CATSPERT: variants seen among roughly 807,000 people sequenced by gnomAD.
CATSPERT encodes the protein cation channel sperm-associated targeting subunit tau.
At chr2:201,618,952 G>A in the CATSPERT span, 12 of 1,613,828 alleles carry the variant, frequency 7.4e-6, no homozygotes, top group Non-Finnish European at 1.0e-5. Context: ...AGGCAGGGCC[G>A]TCGTGCCCTG....
the CATSPERT span, chr2:201,550,946 G>C: frequency 6.6e-6 from 1 of 152,104 alleles, no homozygotes; most frequent in African/African-American, 2.4e-5. Flanking sequence ...TAATTATTGA[G>C]ACTTTTTACT....
At chr2:201,564,711 T>C in the CATSPERT span, among the ~76,000 whole-genome samples, 8,362 of 152,046 alleles carry the variant, frequency 0.055, 278 homozygotes, top group African/African-American at 0.08. Flanking sequence ...ATATGGTAAA[T>C]AGAAGGCCAT....
At chr2:201,603,261 G>A in the CATSPERT span, 3 of 1,611,044 alleles carry the variant, frequency 1.9e-6, no homozygotes, top group Non-Finnish European at 2.5e-6. Flanking sequence ...TTATATGAAT[G>A]CCCAGGCAGC....
chr2:201,506,910 A>T, the CATSPERT span, among the ~76,000 whole-genome samples: 1 of 152,222 alleles, frequency 6.6e-6, no homozygotes, highest in Non-Finnish European at 1.5e-5. Flanking sequence ...GAATAGGATT[A>T]AAAAAGTGCT....
the CATSPERT span, among the ~76,000 whole-genome samples, chr2:201,513,718 G>C: frequency 9.9e-5 from 15 of 152,192 alleles, 1 homozygote; most frequent in Non-Finnish European, 1.5e-5. Context: ...AGAAAATGTG[G>C]TACATACACA....
chr2:201,511,073 A>T, the CATSPERT span, among the ~76,000 whole-genome samples: 7 of 152,240 alleles, frequency 4.6e-5, no homozygotes, highest in African/African-American at 1.7e-4. Flanking sequence ...TCACTCATTA[A>T]TAATCAGGAA....
At chr2:201,492,603 T>G in the CATSPERT span, 1 of 1,526,766 alleles carries the variant, frequency 6.5e-7, no homozygotes, top group Non-Finnish European at 8.8e-7. Flanking sequence ...ATAAACTGCT[T>G]TCTGAAATGT....
the CATSPERT span, among the ~76,000 whole-genome samples, chr2:201,577,098 T>C: frequency 6.6e-6 from 1 of 152,182 alleles, no homozygotes; most frequent in African/African-American, 2.4e-5. Context: ...AATGAAGACT[T>C]TGTTTCATGC....
At chr2:201,570,038 C>T in the CATSPERT span, among the ~76,000 whole-genome samples, 3 of 151,942 alleles carry the variant, frequency 2.0e-5, no homozygotes, top group African/African-American at 7.3e-5. Context: ...AAAAATTAGC[C>T]AAACGTGGTA....
the CATSPERT span, among the ~76,000 whole-genome samples, chr2:201,616,264 T>G: frequency 1.5e-3 from 225 of 152,278 alleles, 1 homozygote; most frequent in African/African-American, 5.2e-3. Context: ...AAACAGAGAA[T>G]TTTAGACCAA....
chr2:201,581,461 C>T, the CATSPERT span, among the ~76,000 whole-genome samples: 2 of 90,744 alleles, frequency 2.2e-5, no homozygotes, highest in Non-Finnish European at 4.3e-5. Flanking sequence ...TATATGTATA[C>T]ACACACACAT....
At chr2:201,541,421 A>G in the CATSPERT span, among the ~76,000 whole-genome samples, 7 of 151,186 alleles carry the variant, frequency 4.6e-5, no homozygotes, top group South Asian at 1.5e-3. Context: ...AAATTGCCAC[A>G]GCCACCCCAA....
At chr2:201,619,153 CTG>C in the CATSPERT span, 2 of 1,611,888 alleles carry the variant, frequency 1.2e-6, no homozygotes, top group Non-Finnish European at 1.7e-6. Flanking sequence ...TGCGGCCTGT[CTG>C]CGCCCAACCG....
chr2:201,571,913 C>T, the CATSPERT span: 1 of 1,593,280 alleles, frequency 6.3e-7, no homozygotes, highest in Non-Finnish European at 8.6e-7. Context: ...CATGATCTGA[C>T]CATATTAACG....
At chr2:201,551,927 A>G in the CATSPERT span, among the ~76,000 whole-genome samples, 15 of 147,078 alleles carry the variant, frequency 1.0e-4, no homozygotes, top group Admixed American at 4.1e-4. Context: ...AAAAAAAGTG[A>G]TCTCTCGTGG....
chr2:201,493,751 T>C, the CATSPERT span: 1 of 1,537,270 alleles, frequency 6.5e-7, no homozygotes, highest in Non-Finnish European at 8.7e-7. Context: ...TGCCTCATAA[T>C]GTAGTCATGT....
chr2:201,544,836 A>C, the CATSPERT span, among the ~76,000 whole-genome samples: 597 of 150,288 alleles, frequency 4.0e-3, 10 homozygotes, highest in Non-Finnish European at 6.7e-3. Flanking sequence ...AAAAAAAAAA[A>C]AAATACAAAA....
the CATSPERT span, among the ~76,000 whole-genome samples, chr2:201,495,177 C>G: frequency 6.6e-6 from 1 of 151,392 alleles, no homozygotes; most frequent in East Asian, 1.9e-4. Flanking sequence ...TTAATTCAAG[C>G]AAGTAGTGAA....
the CATSPERT span, chr2:201,487,982 T>C: frequency 3.1e-5 from 36 of 1,171,164 alleles, no homozygotes; most frequent in Non-Finnish European, 4.1e-5. Flanking sequence ...ACTTCTGACA[T>C]GGATGGTCAA....
Sources: gnomAD v4.1 joint callset for allele counts (sites outside exome capture counted in the v4.1 genomes callset) on GRCh38, gnomAD v4.1.1 for gene constraint, MANE v1.5 for transcripts, NCBI Gene and HGNC (gene_info 2026-07-23, HGNC 2026-07-21) for gene names.